Variants in HMMR observed in about 807,000 individuals in gnomAD.
HMMR encodes hyaluronan mediated motility receptor, also known as intracellular hyaluronic acid-binding protein.
In HMMR, 108 loss-of-function variants were observed where a neutral mutation model predicts 101.0. The ratio of observed to expected loss-of-function variants is 1.07; its 90% CI spans 0.92 to 1.25. The LOEUF (loss-of-function observed/expected upper bound fraction) is 1.25. Among genes scored for constraint, HMMR ranks in the 50% most tolerant of loss-of-function variants. The pLI is 0.00. For missense variants in HMMR, 813 were observed against 788.7 expected (o/e 1.03, Z -0.37); for synonymous variants, 296 against 276.4 (o/e 1.07, Z -0.70).
At chr5:163,479,419 C>T (rs912745971) in intron 12 of HMMR, among the ~76,000 whole-genome samples, 6 of 151,992 alleles carry the variant, frequency 3.9e-5, no homozygotes, top group Non-Finnish European at 1.5e-5. Context: ...ACCAGTAATC[C>T]CAGTGCTTTG....
chr5:163,461,212 A>C (rs9790999), intron 1 of HMMR, among the ~76,000 whole-genome samples: 18,613 of 152,112 alleles, frequency 0.12, 1,710 homozygotes, highest in East Asian at 0.48. Context: ...GCACTTATTG[A>C]AAACATAAAC....
intron 4 of HMMR, 151 bp downstream of exon 4, chr5:163,467,899 C>G: frequency 7.2e-6 from 4 of 555,122 alleles, no homozygotes; most frequent in South Asian, 4.1e-5. Flanking sequence ...ACAGTTCTTA[C>G]AGTATTTCAC....
intron 1 of HMMR, among the ~76,000 whole-genome samples, chr5:163,463,034 AT>A (rs972487565): frequency 3.9e-5 from 6 of 152,120 alleles, no homozygotes; most frequent in Non-Finnish European, 7.4e-5. Context: ...GGCTAGTAGT[AT>A]TTTAATTACT....
At chr5:163,487,061 T>TA (rs1342401177) in intron 16 of HMMR, among the ~76,000 whole-genome samples, 16 of 152,120 alleles carry the variant, frequency 1.1e-4, no homozygotes, top group South Asian at 4.2e-4. Flanking sequence ...CGAAACAATC[T>TA]AAAAAAAACA....
chr5:163,476,739 T>A (rs937494824), intron 11 of HMMR, among the ~76,000 whole-genome samples: 9 of 152,144 alleles, frequency 5.9e-5, no homozygotes, highest in African/African-American at 2.2e-4. Context: ...GTAGAAAGAC[T>A]GAAATCTTGG....
rs1476900758 is a variant in HMMR, at chr5:163,464,210, A to G, written c.145+256A>G. 2.0e-5 allele frequency among the ~76,000 whole-genome samples: 3 copies of G among 152,216 alleles called. No individual in the cohort carries two copies. The East Asian group carries it at 5.8e-4, about 29-fold the overall frequency. The stretch of plus-strand genomic sequence containing the variant: ...CTTTTGGTAATTACCTTGACTTGTC[A>G]GGGAATATTAGGAAAATCAGAAAGG... On this transcript the variant is annotated intron_variant, in intron 2 of 17. Coordinates refer to ENST00000393915, the MANE Select transcript of HMMR (RefSeq NM_001142556.2).
intron 17 of HMMR, 94 bp downstream of exon 17, chr5:163,490,646 T>C: frequency 1.1e-6 from 1 of 917,596 alleles, no homozygotes; most frequent in South Asian, 1.5e-5. Flanking sequence ...CTGTGAAAAT[T>C]TGTTGACACC....
Position 163,467,691 on chromosome 5 carries a change from T to A in HMMR, c.226-10T>A, listed in dbSNP as rs1758745824. 1 of 1,507,604 alleles carries A rather than the reference T, an allele frequency of 6.6e-7. No homozygotes were observed. Among genetic ancestry groups the A allele is most frequent in the East Asian group, 2.3e-5 (1 of 44,082 alleles). 93.4% of individuals were successfully genotyped at this position (1,507,604 alleles called of 1,614,324 possible). ...AAATTTGCTTATAAGTTTTTTTGGCTTTTAAACAGAAGGAATCTCAAAAGA... is the reference window on the plus strand; with the variant it reads ...AAATTTGCTTATAAGTTTTTTTGGCATTTAAACAGAAGGAATCTCAAAAGA... On this transcript the variant is annotated splice_polypyrimidine_tract_variant and intron_variant, in intron 3 of 17. Transcript: ENST00000393915.
At chr5:163,482,616 T>C in intron 12 of HMMR, 26 bp from the exon 13 acceptor site, 1 of 1,553,128 alleles carries the variant, frequency 6.4e-7, no homozygotes, top group Non-Finnish European at 8.8e-7. Flanking sequence ...AGAAAACTAC[T>C]TTGACTTTTT....
chr5:163,469,832 A>G lies in HMMR; in HGVS notation c.462+3A>G. The G allele has an allele frequency of 6.4e-7, 1 of 1,557,320 alleles. No individual in the cohort carries two copies. On this transcript the variant is annotated splice_donor_region_variant and intron_variant, in intron 5 of 17. Transcript: ENST00000393915. ...CTAATGAACTACTAAAATCTAAGGTATCTGAGCCTCATGATAATATTTACA... is the reference window on the plus strand; with the variant it reads ...CTAATGAACTACTAAAATCTAAGGTGTCTGAGCCTCATGATAATATTTACA...
chr5:163,475,504 A>G lies in HMMR; in HGVS notation c.1100A>G (p.Glu367Gly), dbSNP rs758208724. ...LHQKLCSFQE[E>G]MVKEKNLFEE... is the part of the protein sequence containing the mutation. ...CAGAAGCTCTGTTCTTTTCAAGAGG[A>G]AATGGTTAAAGAGAAGAATCTGTTT... The change falls in exon 11 of 18, where the codon GAA (glutamate) becomes GGA (glycine). Residue 367 changes from glutamate (E) to glycine (G), a missense_variant. By Grantham distance (98) the Glu-to-Gly change is moderately conservative (BLOSUM62 -2). Transcript: ENST00000393915. 2.7e-5 allele frequency: 43 copies of G among 1,608,624 alleles called. No individual in the cohort carries two copies. The Admixed American group carries it at 4.4e-4, about 16-fold the overall frequency.
Position 163,471,226 on chromosome 5 carries a change from C to G in HMMR, c.504C>G (p.Ser168Arg). The G allele has an allele frequency of 6.2e-7, 1 of 1,612,628 alleles. No homozygotes were observed. Among genetic ancestry groups the G allele is most frequent in the Non-Finnish European group, 8.5e-7 (1 of 1,178,696 alleles). Residue 168 changes from serine (S) to arginine (R), a missense_variant, in exon 6 of 18, where the codon AGC becomes AGG. Physicochemically the swap from Ser to Arg is moderately radical, Grantham distance 110. Transcript: ENST00000393915. ...NGNQKNLRILSLELMKLRNKR... is the reference protein window; with the variant it reads ...NGNQKNLRILRLELMKLRNKR... Reference sequence around the variant, plus strand: ...ACCAGAAGAATTTGAGAATTCTAAGCTTGGAGTTGATGAAACTTAGAAACA... The same window carrying G: ...ACCAGAAGAATTTGAGAATTCTAAGGTTGGAGTTGATGAAACTTAGAAACA...
intron 13 of HMMR, 51 bp downstream of exon 13, chr5:163,482,839 AAAGCCAG>A: frequency 2.0e-6 from 3 of 1,526,672 alleles, no homozygotes; most frequent in Non-Finnish European, 2.7e-6. Context: ...TTTAATGTTG[AAAGCCAG>A]CTAGTAACTG....
chr5:163,471,284 C>G lies in HMMR; in HGVS notation c.549+13C>G. 1 of 1,608,276 alleles carries G rather than the reference C, an allele frequency of 6.2e-7. No individual in the cohort carries two copies. ...AACAAAGATGAGGGTGAGTGCTGCC[C>G]TTGGCAGGTTTGCTGTGTCTGGATC... On this transcript the variant is annotated intron_variant, in intron 6 of 17. Coordinates refer to ENST00000393915, the MANE Select transcript of HMMR (RefSeq NM_001142556.2).
chr5:163,467,653 A>G (rs1303189852), intron 3 of HMMR, 48 bp from the exon 4 acceptor site: 1 of 1,074,776 alleles, frequency 9.3e-7, no homozygotes, highest in South Asian at 1.3e-5. Flanking sequence ...TGGCTGTCAT[A>G]TCTGTGACAT....
At chr5:163,470,120 A>G (rs769942848) in intron 5 of HMMR, among the ~76,000 whole-genome samples, 5 of 152,118 alleles carry the variant, frequency 3.3e-5, no homozygotes, top group Admixed American at 2.6e-4. Flanking sequence ...GTGAGCTGAC[A>G]TGGCGCCATT....
chr5:163,463,931 C>T lies in HMMR; in HGVS notation c.122C>T (p.Ser41Leu). ...AAAGGACCAGTATCCTTTCAGAAAT[C>T]ACAAAGATTTAAACAACAAAAAGGT... ...VLKGPVSFQKSQRFKQQKESK... is the reference protein window; with the variant it reads ...VLKGPVSFQKLQRFKQQKESK... The change falls in exon 2 of 18, where the codon TCA (serine) becomes TTA (leucine). Residue 41 changes from serine (S) to leucine (L), a missense_variant. By Grantham distance (145) the Ser-to-Leu change is moderately radical. Transcript: ENST00000393915. The T allele has an allele frequency of 7.1e-7, 1 of 1,401,574 alleles. No individual in the cohort carries two copies. The highest frequency in any genetic ancestry group is 9.6e-7 in the Non-Finnish European group (1 of 1,041,728). 86.8% of individuals were successfully genotyped at this position (1,401,574 alleles called of 1,614,324 possible). A position where few individuals can be genotyped will look rare whatever the true frequency, so the allele number is the denominator to read the frequency against.
In HMMR at chr5:163,483,068, T is replaced by G. The variant is rs771019902; in HGVS notation, c.1581T>G (p.Ile527Met). ...QTKSALKETE[I>M]KEITVSFLQK... ...AGTCAGCACTAAAGGAAACAGAAAT[T>G]AAAGAAATCACAGTTTCTTTTCTTC... is the stretch of plus-strand genomic sequence containing the variant. Residue 527 changes from isoleucine (I) to methionine (M), a missense_variant, in exon 14 of 18, where the codon ATT becomes ATG. Transcript: ENST00000393915. 1 of 1,612,288 alleles carries G rather than the reference T, an allele frequency of 6.2e-7. No homozygotes were observed. The highest frequency in any genetic ancestry group is 8.5e-7 in the Non-Finnish European group (1 of 1,178,928).
At chr5:163,474,515 T>C (rs1194397277) in intron 10 of HMMR, 1 of 467,038 alleles carries the variant, frequency 2.1e-6, no homozygotes, top group Non-Finnish European at 4.3e-6. Flanking sequence ...TGTAAAAGAC[T>C]GTCTAATTAC....
Sources: gnomAD v4.1 joint callset for allele counts (sites outside exome capture counted in the v4.1 genomes callset) on GRCh38, gnomAD v4.1.1 for gene constraint, MANE v1.5 for transcripts, NCBI Gene and HGNC (gene_info 2026-07-23, HGNC 2026-07-21) for gene names.